The following TMEM161B variants were observed in gnomAD, a reference collection of about 807,000 sequenced individuals.
The protein encoded by TMEM161B is transmembrane protein 161B.
Under a neutral mutation model 61.8 loss-of-function variants are expected in TMEM161B, and 34 were observed. The ratio of observed to expected loss-of-function variants is 0.55; its 90% CI spans 0.42 to 0.73. TMEM161B has a LOEUF of 0.73. TMEM161B is among the 30% of genes least tolerant of loss of function. The pLI is 0.00. For missense variants in TMEM161B, 456 were observed against 558.5 expected, an observed-to-expected ratio of 0.82 and a Z score of 1.85; for synonymous variants, 167 against 192.8, an observed-to-expected ratio of 0.87 and a Z score of 1.11.
Position 88,228,427 on chromosome 5 carries a change from A to C in TMEM161B, c.191+18T>G. The stretch of plus-strand genomic sequence containing the variant: ...TTGTGTTAAATATTTATTACTTTAC[A>C]AGCTCAATAAAACTTACCTATCTTT... On this transcript the variant is annotated intron_variant, in intron 3 of 11. Coordinates refer to ENST00000296595, the MANE Select transcript of TMEM161B (RefSeq NM_153354.5). 6.5e-7 allele frequency: 1 copy of C among 1,532,880 alleles called. No individual in the cohort carries two copies. Among genetic ancestry groups the C allele is most frequent in the South Asian group, 1.2e-5 (1 of 84,390 alleles). 95.0% of individuals were successfully genotyped at this position (1,532,880 alleles called of 1,614,324 possible).
intron 1 of TMEM161B, among the ~76,000 whole-genome samples, chr5:88,263,676 G>A (rs543773996): frequency 6.6e-6 from 1 of 152,234 alleles, no homozygotes; most frequent in East Asian, 1.9e-4. Flanking sequence ...TCTTAGAAAT[G>A]AACACTTTAG....
rs1755772294 is a variant in TMEM161B, at chr5:88,262,154, AG to A, written c.3+6566del. 2.6e-5 allele frequency among the ~76,000 whole-genome samples: 4 copies of A among 152,312 alleles called. No individual in the cohort carries two copies. In the South Asian group the frequency reaches 8.3e-4, roughly 32 times the overall value. On this transcript the variant is annotated intron_variant, in intron 1 of 11. Coordinates refer to ENST00000296595, the MANE Select transcript of TMEM161B (RefSeq NM_153354.5). ...ACCAAAGACATACAGACAGCAAATA[AG>A]AATATGAAAAGATGTTCCACATCAT...
intron 3 of TMEM161B, among the ~76,000 whole-genome samples, chr5:88,226,578 C>G (rs1041679910): frequency 4.6e-5 from 7 of 152,088 alleles, no homozygotes; most frequent in Non-Finnish European, 1.0e-4. Flanking sequence ...GGTACACACC[C>G]CCATGGCCAG....
intron 1 of TMEM161B, among the ~76,000 whole-genome samples, chr5:88,254,716 C>G (rs1290282299): frequency 6.6e-6 from 1 of 151,968 alleles, no homozygotes; most frequent in Non-Finnish European, 1.5e-5. Flanking sequence ...GTGGCATGTG[C>G]TTGTAATCCC....
intron 8 of TMEM161B, among the ~76,000 whole-genome samples, chr5:88,203,851 A>G (rs1580363003): frequency 7.0e-6 from 1 of 141,848 alleles, no homozygotes; most frequent in African/African-American, 2.7e-5. Flanking sequence ...TATACCTAAT[A>G]CAGCAAAGGT....
At chr5:88,228,335 A>G in intron 3 of TMEM161B, 110 bp downstream of exon 3, 1 of 794,384 alleles carries the variant, frequency 1.3e-6, no homozygotes, top group South Asian at 1.8e-5. Flanking sequence ...TCTCAAATTT[A>G]TCAACTACTT....
chr5:88,242,408 T>C (rs1277134742), intron 1 of TMEM161B, among the ~76,000 whole-genome samples: 1 of 145,132 alleles, frequency 6.9e-6, no homozygotes, highest in African/African-American at 2.4e-5. Flanking sequence ...TTGCTGGCTC[T>C]TCCTCTAGCC....
At chr5:88,257,162 G>T (rs1755089769) in intron 1 of TMEM161B, among the ~76,000 whole-genome samples, 1 of 152,088 alleles carries the variant, frequency 6.6e-6, no homozygotes, top group Non-Finnish European at 1.5e-5. Context: ...CCAGCTACTT[G>T]GGAGGCTGAG....
rs1580477880 is a variant in TMEM161B at position 88,220,614 on chromosome 5, T to C, written c.395A>G (p.Gln132Arg). 2.5e-6 allele frequency: 4 copies of C among 1,601,556 alleles called. No homozygotes were observed. Among genetic ancestry groups the C allele is most frequent in the South Asian group, 1.1e-5 (1 of 87,334 alleles). Residue 132 changes from glutamine to arginine, a missense_variant, in exon 5 of 12, where the codon CAG becomes CGG. Physicochemically the swap from Gln to Arg is conservative, Grantham distance 43 (BLOSUM62 1). Transcript: ENST00000296595. ...CCAGACTAAGCTGATATTCATTTCC[T>C]GTGTAGGCTTCATAAAATTGTAGTA... is the stretch of plus-strand genomic sequence containing the variant. ...EVYYNFMKPTQEMNISLVWCL... is the reference protein window; with the variant it reads ...EVYYNFMKPTREMNISLVWCL...
intron 1 of TMEM161B, among the ~76,000 whole-genome samples, chr5:88,244,906 T>G (rs1370651166): frequency 6.6e-6 from 1 of 151,884 alleles, no homozygotes; most frequent in Non-Finnish European, 1.5e-5. Context: ...TTGTGGCTAT[T>G]GTGAGTCAGA....
chr5:88,240,067 T>A (rs1399492988), intron 2 of TMEM161B, among the ~76,000 whole-genome samples: 1 of 151,928 alleles, frequency 6.6e-6, no homozygotes, highest in Non-Finnish European at 1.5e-5. Flanking sequence ...TCTATACCTA[T>A]ACTTTTTTAA....
chr5:88,202,841 T>G, intron 9 of TMEM161B, 121 bp downstream of exon 9: 1 of 744,614 alleles, frequency 1.3e-6, no homozygotes, highest in Non-Finnish European at 2.4e-6. Context: ...TCTTTTAGCA[T>G]TCCTATTAAT....
At chr5:88,220,410 C>T (rs1748688851) in intron 5 of TMEM161B, among the ~76,000 whole-genome samples, 153 bp downstream of exon 5, 1 of 151,782 alleles carries the variant, frequency 6.6e-6, no homozygotes, top group African/African-American at 2.4e-5. Flanking sequence ...AAATTATTTA[C>T]CTCTATTACT....
At chr5:88,187,688 G>A (rs1748437024), downstream of TMEM161B, among the ~76,000 whole-genome samples, 1 of 151,810 alleles carries the variant, frequency 6.6e-6, no homozygotes, top group Non-Finnish European at 1.5e-5. Flanking sequence ...CATTGATATG[G>A]GTTACTGTTT....
Position 88,195,305 on chromosome 5 carries a change from A to T in TMEM161B, c.*906T>A, listed in dbSNP as rs546177337. On this transcript the variant is annotated 3_prime_UTR_variant, in exon 12 of 12. Coordinates refer to ENST00000296595, the MANE Select transcript of TMEM161B (RefSeq NM_153354.5). ...GTCACTTTTTAACATACATTCTGCA[A>T]CTTAAAATATTATAAGGATTCAATA... The T allele has an allele frequency of 1.1e-6, 1 of 871,138 alleles. No homozygotes were observed. Among genetic ancestry groups the T allele is most frequent in the Admixed American group, 6.3e-5 (1 of 15,894 alleles). The allele number at this position is 871,138 out of a possible 1,614,324, so 54.0% of individuals were successfully genotyped here. A position where few individuals can be genotyped will look rare whatever the true frequency, so the allele number is the denominator to read the frequency against.
intron 5 of TMEM161B, among the ~76,000 whole-genome samples, chr5:88,214,912 A>C (rs191625362): frequency 6.6e-6 from 1 of 152,306 alleles, no homozygotes; most frequent in Non-Finnish European, 1.5e-5. Context: ...ACAAGAGAAG[A>C]CTCAGTTCTA....
intron 1 of TMEM161B, among the ~76,000 whole-genome samples, chr5:88,258,308 C>T (rs868188644): frequency 1.9e-4 from 29 of 152,246 alleles, no homozygotes; most frequent in Middle Eastern, 3.4e-3. Flanking sequence ...GAAAAGACTG[C>T]TATATTCGAC....
At position 88,213,207 on chromosome 5, in the gene TMEM161B, T is replaced by C. The variant is rs1329166718; in HGVS notation, c.447-6027A>G. Among the ~76,000 whole-genome samples, 4 of 152,152 alleles carry C rather than the reference T, an allele frequency of 2.6e-5. No individual in the cohort carries two copies. The East Asian group carries it at 7.7e-4, about 29-fold the overall frequency. On this transcript the variant is annotated intron_variant, in intron 5 of 11. Coordinates refer to ENST00000296595, the MANE Select transcript of TMEM161B (RefSeq NM_153354.5). ...GAAACCTAGAAACTGTACCAAGAAC[T>C]TATTACAGATATACACTGAAAACTA...
intron 1 of TMEM161B, among the ~76,000 whole-genome samples, chr5:88,249,032 G>A (rs1753989382): frequency 6.6e-6 from 1 of 152,030 alleles, no homozygotes; most frequent in Non-Finnish European, 1.5e-5. Context: ...GGCAAAAGTA[G>A]CACAAAGAAA....
Sources: allele counts gnomAD v4.1 joint callset (sites outside exome capture counted in the v4.1 genomes callset), GRCh38; gene constraint gnomAD v4.1.1; transcripts MANE v1.5; gene names NCBI Gene and HGNC (gene_info 2026-07-23, HGNC 2026-07-21).